BUD13: variants seen among roughly 807,000 people sequenced by gnomAD.
The protein encoded by BUD13 is BUD13 homolog.
A neutral mutation model predicts 62.5 loss-of-function variants in BUD13; 47 were observed. That is an observed-to-expected ratio of 0.75 (90% CI 0.60 to 0.96). The LOEUF (loss-of-function observed/expected upper bound fraction) is 0.96, where lower values mean the gene tolerates loss of function less well. Ranked by LOEUF, BUD13 falls within the 40% of genes least tolerant of loss-of-function variation. The pLI is 0.00. For missense variants in BUD13, 821 were observed against 790.9 expected (o/e 1.04, Z -0.46); for synonymous variants, 293 against 280.1 (o/e 1.05, Z -0.46).
At chr11:116,758,776 G>T (rs542040925) in intron 6 of BUD13, among the ~76,000 whole-genome samples, 111 of 151,536 alleles carry the variant, frequency 7.3e-4, no homozygotes, top group African/African-American at 2.1e-3. Context: ...ATTTTTGGTA[G>T]AGACAGGGTT....
intron 9 of BUD13, among the ~76,000 whole-genome samples, chr11:116,749,413 G>A (rs77684111): frequency 0.019 from 2,913 of 152,246 alleles, 91 homozygotes; most frequent in East Asian, 0.13. Flanking sequence ...CAGCTTGGGG[G>A]AGGTATGATA....
intron 1 of BUD13, among the ~76,000 whole-genome samples, chr11:116,771,708 C>T (rs780752204): frequency 6.6e-6 from 1 of 152,082 alleles, no homozygotes; most frequent in Non-Finnish European, 1.5e-5. Flanking sequence ...CACAAGTCAG[C>T]GAGGCAGAAA....
chr11:116,762,133 TAAGA>T (rs1337204503), intron 4 of BUD13, among the ~76,000 whole-genome samples: 1 of 152,204 alleles, frequency 6.6e-6, no homozygotes, highest in African/African-American at 2.4e-5. Context: ...AAGACTACGT[TAAGA>T]AAGGACAGCA....
intron 3 of BUD13, among the ~76,000 whole-genome samples, chr11:116,764,186 C>A (rs1940487813): frequency 6.6e-6 from 1 of 152,208 alleles, no homozygotes; most frequent in African/African-American, 2.4e-5. Context: ...TCTATAGCAA[C>A]TGGAACAGTT....
intron 1 of BUD13, among the ~76,000 whole-genome samples, chr11:116,770,974 T>C (rs181684109): frequency 6.6e-6 from 1 of 152,036 alleles, no homozygotes; most frequent in Non-Finnish European, 1.5e-5. Context: ...TTTGTATTTT[T>C]TGTAGAAACA....
At chr11:116,755,571 T>C (rs1940307762) in intron 9 of BUD13, among the ~76,000 whole-genome samples, 1 of 152,226 alleles carries the variant, frequency 6.6e-6, no homozygotes, top group Admixed American at 6.5e-5. Flanking sequence ...TTAAGAAATA[T>C]AATATGCCTT....
intron 9 of BUD13, among the ~76,000 whole-genome samples, chr11:116,753,335 T>G (rs1940272016): frequency 6.6e-6 from 1 of 152,174 alleles, no homozygotes; most frequent in African/African-American, 2.4e-5. Flanking sequence ...AGTCAAATCC[T>G]TGGCTAACTG....
At chr11:116,754,228 G>A (rs1243475916) in intron 9 of BUD13, among the ~76,000 whole-genome samples, 3 of 152,066 alleles carry the variant, frequency 2.0e-5, no homozygotes, top group African/African-American at 7.2e-5. Flanking sequence ...GTATTTTTTT[G>A]TAGAGACAGG....
rs758032013 is a variant in BUD13 at position 116,758,346 on chromosome 11, T to C, written c.1422A>G (p.Lys474=). Residue 474 remains lysine (K), a synonymous_variant, in exon 7 of 10, where the codon AAA becomes AAG. Transcript: ENST00000260210. ...RDKSGRKRNL[K]LERLEQRRKA... is the part of the protein sequence containing the mutation. ...TCCTCCTTTGCTCTAAACGTTCGAG[T>C]TTCAAATTCCTCTTACGACCAGACT... 2.7e-5 allele frequency: 44 copies of C among 1,614,094 alleles called. 1 individual carries two copies. In the Middle Eastern group the frequency reaches 4.9e-4, roughly 18 times the overall value.
chr11:116,757,095 G>C lies in BUD13; in HGVS notation c.1766+51C>G, dbSNP rs781655452. 17 of 1,545,318 alleles carry C rather than the reference G, an allele frequency of 1.1e-5. No individual in the cohort carries two copies. The East Asian group carries it at 2.7e-4, about 25-fold the overall frequency. On this transcript the variant is annotated intron_variant, in intron 9 of 9. Coordinates refer to ENST00000260210, the MANE Select transcript of BUD13 (RefSeq NM_032725.4). The stretch of plus-strand genomic sequence containing the variant: ...TAAAGTGTGGAGCAACTTACGAGTG[G>C]TTAGGGAAGGTTACAGTCAGGTAGA...
intron 2 of BUD13, among the ~76,000 whole-genome samples, chr11:116,768,362 G>T (rs1295252591): frequency 2.6e-5 from 4 of 151,982 alleles, no homozygotes; most frequent in Admixed American, 6.5e-5. Context: ...TTTAGCAGAG[G>T]AGTAGACTCC....
rs1940513940 is a variant in BUD13 at position 116,765,361 on chromosome 11, C to A, written c.322+1G>T. ...TAGATTTATCTATTGTTGGAACTCA[C>A]CTCCCAGAAGCTTCCATTTGGCACT... On this transcript the variant is annotated splice_donor_variant, in intron 3 of 9. Transcript: ENST00000260210. LOFTEE classifies it high-confidence loss of function. The A allele has an allele frequency of 6.2e-7, 1 of 1,614,074 alleles. No homozygotes were observed. The highest frequency in any genetic ancestry group is 8.5e-7 in the Non-Finnish European group (1 of 1,179,938).
intron 1 of BUD13, 109 bp downstream of exon 1, chr11:116,772,713 A>T: frequency 7.4e-7 from 1 of 1,357,230 alleles, no homozygotes; most frequent in Non-Finnish European, 9.6e-7. Flanking sequence ...GGGTCGGCGG[A>T]GAAGCCGAGA....
intron 9 of BUD13, 101 bp from the exon 10 acceptor site, chr11:116,748,676 T>C: frequency 1.3e-5 from 15 of 1,189,734 alleles, no homozygotes; most frequent in Non-Finnish European, 1.8e-5. Context: ...GGGGGGAAAG[T>C]AAGGAGTCAT....
chr11:116,750,212 C>A (rs1428608435), intron 9 of BUD13, among the ~76,000 whole-genome samples: 1 of 152,048 alleles, frequency 6.6e-6, no homozygotes, highest in African/African-American at 2.4e-5. Flanking sequence ...AAGAGGTGCA[C>A]AGAGGAAGAG....
intron 9 of BUD13, among the ~76,000 whole-genome samples, chr11:116,749,263 G>C (rs1439441555): frequency 1.3e-5 from 2 of 152,188 alleles, no homozygotes; most frequent in Non-Finnish European, 2.9e-5. Flanking sequence ...ACATGAAAAT[G>C]AGTATGACAC....
intron 9 of BUD13, among the ~76,000 whole-genome samples, chr11:116,753,564 C>T (rs774506357): frequency 6.6e-6 from 1 of 152,016 alleles, no homozygotes; most frequent in Non-Finnish European, 1.5e-5. Flanking sequence ...ATTCATGATG[C>T]GTAGTAACAA....
In BUD13 at chr11:116,770,056, CAAA is replaced by C. The variant is rs34855544; in HGVS notation, c.237+70_237+72del. ...TGGGTGACAGAGCGAGACTCCGTCT[CAAA>C]AAAAAAAAAAAAAAGGAAATTGAGA... On this transcript the variant is annotated intron_variant, in intron 2 of 9. Coordinates refer to ENST00000260210, the MANE Select transcript of BUD13 (RefSeq NM_032725.4). The C allele has an allele frequency of 6.4e-3, 5,387 of 843,418 alleles. 1 individual carries two copies. The highest frequency in any genetic ancestry group is 7.4e-3 in the East Asian group (221 of 29,840). The allele number at this position is 843,418 out of a possible 1,614,324, so 52.2% of individuals were successfully genotyped here.
chr11:116,771,961 C>T (rs893064197), intron 1 of BUD13, among the ~76,000 whole-genome samples: 1 of 152,226 alleles, frequency 6.6e-6, no homozygotes, highest in African/African-American at 2.4e-5. Flanking sequence ...CTTGCCTCTC[C>T]CAGCTTCTGG....
Sources: allele counts gnomAD v4.1 joint callset (sites outside exome capture counted in the v4.1 genomes callset), GRCh38; gene constraint gnomAD v4.1.1; transcripts MANE v1.5; gene names NCBI Gene and HGNC (gene_info 2026-07-23, HGNC 2026-07-21).